The following WWOX variants were observed in gnomAD, a reference collection of about 807,000 sequenced individuals.
WWOX encodes the protein WW domain containing oxidoreductase, also known as WW domain-containing oxidoreductase.
Under a neutral mutation model 46.2 loss-of-function variants are expected in WWOX, and 69 were observed. The ratio of observed to expected loss-of-function variants is 1.49; its 90% CI spans 1.23 to 1.82. The LOEUF is 1.82. Ranked by LOEUF, WWOX falls within the 40% of genes most tolerant of loss-of-function variation. The pLI is 0.00. For missense variants in WWOX, 919 were observed against 542.6 expected, an observed-to-expected ratio of 1.69 and a Z score of -6.89; for synonymous variants, 359 against 202.6, an observed-to-expected ratio of 1.77 and a Z score of -6.56.
intron 8 of WWOX, among the ~76,000 whole-genome samples, chr16:78,912,901 T>C (rs963793635): frequency 6.6e-6 from 1 of 151,848 alleles, no homozygotes; most frequent in Non-Finnish European, 1.5e-5. Flanking sequence ...GAAAACACTA[T>C]CCATTAGCAA....
intron 4 of WWOX, among the ~76,000 whole-genome samples, chr16:78,124,503 A>G (rs2033270949): frequency 6.6e-6 from 1 of 152,172 alleles, no homozygotes; most frequent in African/African-American, 2.4e-5. Context: ...TGGGGTCACT[A>G]GGAGGCCTTC....
chr16:79,190,870 C>T (rs1395684625), intron 8 of WWOX, among the ~76,000 whole-genome samples: 1 of 152,146 alleles, frequency 6.6e-6, no homozygotes, highest in Non-Finnish European at 1.5e-5. Context: ...TGCCCTTTTG[C>T]AGGTAAATTT....
At chr16:78,796,373 C>G (rs1040711333) in intron 8 of WWOX, among the ~76,000 whole-genome samples, 5 of 152,184 alleles carry the variant, frequency 3.3e-5, no homozygotes, top group East Asian at 1.9e-4. Flanking sequence ...TACAAGTTTC[C>G]AAGGAGTTAT....
intron 6 of WWOX, among the ~76,000 whole-genome samples, chr16:78,390,356 C>T (rs2082152407): frequency 6.6e-6 from 1 of 152,260 alleles, no homozygotes; most frequent in South Asian, 2.1e-4. Context: ...GTTCAAGTGC[C>T]TTTTGTAATC....
intron 5 of WWOX, among the ~76,000 whole-genome samples, chr16:78,367,115 T>C (rs1196125980): frequency 1.3e-5 from 2 of 151,594 alleles, no homozygotes; most frequent in Admixed American, 1.3e-4. Context: ...AAGTAGCTGG[T>C]ACTACAGGTG....
At chr16:79,185,262 A>C (rs1028830396) in intron 8 of WWOX, among the ~76,000 whole-genome samples, 1 of 152,182 alleles carries the variant, frequency 6.6e-6, no homozygotes, top group African/African-American at 2.4e-5. Context: ...ACCAGACAGG[A>C]AACTGCCTCT....
chr16:78,345,931 A>C lies in WWOX; in HGVS notation c.517-40929A>C, dbSNP rs563427035. Among the ~76,000 whole-genome samples, 254 of 117,890 alleles carry C rather than the reference A, an allele frequency of 2.2e-3. 79 individuals are homozygous for C. Among genetic ancestry groups the C allele is most frequent in the Non-Finnish European group, 2.9e-3 (148 of 50,478 alleles). 77.3% of individuals were successfully genotyped at this position (117,890 alleles called of 152,430 possible). A position where few individuals can be genotyped will look rare whatever the true frequency, so the allele number is the denominator to read the frequency against. ...TATACAATTCAATGAGTTTTGACAG[A>C]TGCACATGCCCATGAAACCAACACG... On this transcript the variant is annotated intron_variant, in intron 5 of 8. Transcript: ENST00000566780.
chr16:78,719,559 G>A (rs940568781), intron 8 of WWOX, among the ~76,000 whole-genome samples: 3 of 152,142 alleles, frequency 2.0e-5, no homozygotes, highest in Admixed American at 6.6e-5. Context: ...AAGGAGAAGG[G>A]GGACTTTAAG....
At chr16:78,815,102 A>C (rs981464852) in intron 8 of WWOX, among the ~76,000 whole-genome samples, 2 of 152,204 alleles carry the variant, frequency 1.3e-5, no homozygotes, top group Non-Finnish European at 2.9e-5. Context: ...AGGTGGGCAG[A>C]TTGTCTGAGG....
chr16:78,983,228 G>T (rs1387504919), intron 8 of WWOX, among the ~76,000 whole-genome samples: 1 of 152,140 alleles, frequency 6.6e-6, no homozygotes, highest in African/African-American at 2.4e-5. Context: ...CACTCAAATT[G>T]TTTATCCTGA....
chr16:78,195,100 G>A (rs541483588), intron 5 of WWOX, among the ~76,000 whole-genome samples: 3 of 152,274 alleles, frequency 2.0e-5, no homozygotes, highest in Admixed American at 2.0e-4. Flanking sequence ...AGGTTCCCCA[G>A]TCCTGCCAAG....
At chr16:78,938,520 A>G (rs1322986341) in intron 8 of WWOX, among the ~76,000 whole-genome samples, 1 of 151,484 alleles carries the variant, frequency 6.6e-6, no homozygotes, top group Non-Finnish European at 1.5e-5. Flanking sequence ...GTTTGAGTTG[A>G]CCTGTCCCGT....
chr16:78,781,879 T>C (rs544213522), intron 8 of WWOX, among the ~76,000 whole-genome samples: 28 of 152,316 alleles, frequency 1.8e-4, no homozygotes, highest in Non-Finnish European at 3.4e-4. Context: ...TGAACACTTA[T>C]TTGCTCCATG....
At chr16:78,208,915 A>T (rs533049154) in intron 5 of WWOX, among the ~76,000 whole-genome samples, 47 of 151,950 alleles carry the variant, frequency 3.1e-4, no homozygotes, top group African/African-American at 1.0e-3. Context: ...TTATTTATTT[A>T]TTTTTTTTAG....
chr16:78,411,108 C>T (rs2082670020), intron 6 of WWOX, among the ~76,000 whole-genome samples: 1 of 152,064 alleles, frequency 6.6e-6, no homozygotes, highest in African/African-American at 2.4e-5. Flanking sequence ...GAAGAATTGT[C>T]CATGATTTTT....
chr16:78,385,094 A>G (rs1272664159), intron 5 of WWOX, among the ~76,000 whole-genome samples: 1 of 150,038 alleles, frequency 6.7e-6, no homozygotes, highest in Admixed American at 6.6e-5. Flanking sequence ...AGATGGTGCC[A>G]CTGCACTTCA....
chr16:78,720,378 C>T (rs1250716953), intron 8 of WWOX, among the ~76,000 whole-genome samples: 1 of 145,882 alleles, frequency 6.9e-6, no homozygotes, highest in Non-Finnish European at 1.5e-5. Flanking sequence ...AGAAATTTTG[C>T]TTGCCAATGG....
At chr16:78,767,361 C>T (rs2049947623) in intron 8 of WWOX, among the ~76,000 whole-genome samples, 1 of 151,948 alleles carries the variant, frequency 6.6e-6, no homozygotes, top group African/African-American at 2.4e-5. Context: ...TCTTGAACTC[C>T]TGTGCTCCGG....
intron 8 of WWOX, among the ~76,000 whole-genome samples, chr16:79,159,816 A>G (rs2050450267): frequency 6.6e-6 from 1 of 152,108 alleles, no homozygotes; most frequent in East Asian, 1.9e-4. Context: ...TAATCCTTCT[A>G]GTTGAGTCAG....
Sources: gnomAD v4.1 joint callset for allele counts (sites outside exome capture counted in the v4.1 genomes callset) on GRCh38, gnomAD v4.1.1 for gene constraint, MANE v1.5 for transcripts, NCBI Gene and HGNC (gene_info 2026-07-23, HGNC 2026-07-21) for gene names.